DGKB: variants seen among roughly 807,000 people sequenced by gnomAD.
DGKB encodes the protein 90 kDa diacylglycerol kinase.
Under a neutral mutation model 114.3 loss-of-function variants are expected in DGKB, and 67 were observed. The observed-to-expected ratio is 0.59, with a 90% confidence interval of 0.48 to 0.72. The LOEUF (loss-of-function observed/expected upper bound fraction) is 0.72, where lower values mean the gene tolerates loss of function less well. Ranked by LOEUF, DGKB falls within the 30% of genes least tolerant of loss-of-function variation. The probability of loss-of-function intolerance (pLI) is 0.00; values close to 1 mark genes in which losing one functional copy is unlikely to be tolerated. For synonymous variants in DGKB, 398 were observed against 323.1 expected, an observed-to-expected ratio of 1.23 and a Z score of -2.49; for missense variants, 907 against 975.2, an observed-to-expected ratio of 0.93 and a Z score of 0.93.
At chr7:14,679,117 T>A (rs576966135) in intron 12 of DGKB, among the ~76,000 whole-genome samples, 1 of 152,086 alleles carries the variant, frequency 6.6e-6, no homozygotes, top group African/African-American at 2.4e-5. Context: ...TGACTCAGAC[T>A]GGACAACTAT....
chr7:14,619,033 C>A (rs1022906880), intron 15 of DGKB, among the ~76,000 whole-genome samples: 7 of 151,266 alleles, frequency 4.6e-5, no homozygotes, highest in Non-Finnish European at 1.0e-4. Context: ...CTATCCAGAA[C>A]TTTATTCTTT....
chr7:14,496,389 G>A (rs1024465121), intron 20 of DGKB, among the ~76,000 whole-genome samples: 1 of 151,684 alleles, frequency 6.6e-6, no homozygotes, highest in Non-Finnish European at 1.5e-5. Flanking sequence ...GTTACAAATG[G>A]CTATGCTTTA....
At chr7:14,289,618 T>C (rs867123991) in intron 23 of DGKB, among the ~76,000 whole-genome samples, 16 of 152,184 alleles carry the variant, frequency 1.1e-4, no homozygotes, top group Middle Eastern at 3.4e-3. Flanking sequence ...CATAGCACTA[T>C]GCCATAATAA....
Position 14,941,635 on chromosome 7 carries a change from T to C in DGKB, c.-188+33061A>G, listed in dbSNP as rs1429691647. ...ACAATTAATGAGGGTGATTTAAATATTGGTGAATGGTACTAAATGTAAAAA... is the reference window on the plus strand; with the variant it reads ...ACAATTAATGAGGGTGATTTAAATACTGGTGAATGGTACTAAATGTAAAAA... On this transcript the variant is annotated intron_variant, in intron 1 of 4. Transcript: ENST00000437998. 4.6e-5 allele frequency among the ~76,000 whole-genome samples: 7 copies of C among 152,200 alleles called. No individual in the cohort carries two copies. In the East Asian group the frequency reaches 1.4e-3, roughly 29 times the overall value.
chr7:14,599,192 G>T (rs1183018411), intron 17 of DGKB, among the ~76,000 whole-genome samples: 1 of 152,122 alleles, frequency 6.6e-6, no homozygotes, highest in Non-Finnish European at 1.5e-5. Flanking sequence ...TCATTGCAAT[G>T]CACTTATTAA....
chr7:14,750,214 G>T (rs1261734157), intron 4 of DGKB: 1 of 507,246 alleles, frequency 2.0e-6, no homozygotes, highest in East Asian at 5.5e-5. Flanking sequence ...TATAGTTAAA[G>T]CATAATTTTC....
rs142573560 is a variant in DGKB, at chr7:14,963,439, G to A, written c.-188+11257C>T. On this transcript the variant is annotated intron_variant, in intron 1 of 4. Coordinates refer to the DGKB transcript ENST00000437998. ...GTATTTGATTGAAGTAATCAAATTT[G>A]CCAAAATAAAAGTTCAGTGGAACAG... Among the ~76,000 whole-genome samples, 37 of 152,222 alleles carry A rather than the reference G, an allele frequency of 2.4e-4. 4 individuals are homozygous for A. In the East Asian group the frequency reaches 7.2e-3, roughly 30 times the overall value.
chr7:14,840,973 T>G (rs2128138006), intron 2 of DGKB, among the ~76,000 whole-genome samples: 1 of 152,240 alleles, frequency 6.6e-6, no homozygotes, highest in African/African-American at 2.4e-5. Flanking sequence ...CACCTAACAT[T>G]TTAGTTCCTT....
At position 14,289,762 on chromosome 7, in the gene DGKB, A is replaced by G. The variant is rs957393907; in HGVS notation, c.2122+48753T>C. Among the ~76,000 whole-genome samples the G allele has an allele frequency of 7.4e-5, 10 of 135,950 alleles. No homozygotes were observed. In the East Asian group the frequency reaches 2.2e-3, roughly 30 times the overall value. 89.2% of individuals were successfully genotyped at this position (135,950 alleles called of 152,430 possible). On this transcript the variant is annotated intron_variant, in intron 23 of 25. Transcript: ENST00000402815. ...CATGGACCAAAAAAAAAAAAAAAAA[A>G]ACACAAAACCCTAATGAAAGCAATT...
chr7:14,202,461 G>T (rs953499890), intron 23 of DGKB, among the ~76,000 whole-genome samples: 2 of 151,932 alleles, frequency 1.3e-5, no homozygotes, highest in African/African-American at 4.8e-5. Flanking sequence ...CCACACTGTT[G>T]AAAACTCCTT....
At chr7:14,358,425 G>C (rs917061717) in intron 21 of DGKB, among the ~76,000 whole-genome samples, 3 of 152,154 alleles carry the variant, frequency 2.0e-5, no homozygotes, top group African/African-American at 7.2e-5. Flanking sequence ...TCGTGCCATG[G>C]TTTTCAGCTC....
intron 22 of DGKB, among the ~76,000 whole-genome samples, chr7:14,340,036 A>G (rs1310370960): frequency 6.6e-6 from 1 of 151,928 alleles, no homozygotes; most frequent in Non-Finnish European, 1.5e-5. Flanking sequence ...TGAAAAATAA[A>G]AACTGTGAAA....
At chr7:14,615,638 T>G (rs745508929) in intron 15 of DGKB, among the ~76,000 whole-genome samples, 1 of 151,802 alleles carries the variant, frequency 6.6e-6, no homozygotes, top group Non-Finnish European at 1.5e-5. Flanking sequence ...ATTCCACAAG[T>G]GGCAAAAGTT....
chr7:14,870,518 C>G (rs1852293957), intron 1 of DGKB, among the ~76,000 whole-genome samples: 1 of 152,108 alleles, frequency 6.6e-6, no homozygotes, highest in African/African-American at 2.4e-5. Context: ...AAATAATTGG[C>G]CAGGTGTGAT....
intron 1 of DGKB, among the ~76,000 whole-genome samples, chr7:14,880,938 T>G (rs1220435067): frequency 6.6e-6 from 1 of 152,166 alleles, no homozygotes; most frequent in African/African-American, 2.4e-5. Context: ...TCAATAAAAA[T>G]TCCTTGTCAT....
intron 4 of DGKB, among the ~76,000 whole-genome samples, chr7:14,745,607 A>T (rs1833167367): frequency 6.6e-6 from 1 of 152,192 alleles, no homozygotes; most frequent in Non-Finnish European, 1.5e-5. Flanking sequence ...CTAAGGGCCC[A>T]CATGTGCACT....
In DGKB at chr7:14,447,530, T is replaced by C. The variant is rs141653142; in HGVS notation, c.1835+30631A>G. The stretch of plus-strand genomic sequence containing the variant: ...TGTGTTGATATACACTGATAATTTG[T>C]GAAGATATTTATTTTTAAGTTAGAT... On this transcript the variant is annotated intron_variant, in intron 21 of 25. Coordinates refer to ENST00000402815, the MANE Select transcript of DGKB (RefSeq NM_001350709.2). Among the ~76,000 whole-genome samples, 456 of 152,274 alleles carry C rather than the reference T, an allele frequency of 3.0e-3. 1 individual carries two copies. Among genetic ancestry groups the C allele is most frequent in the Middle Eastern group, 0.02 (6 of 294 alleles).
chr7:14,368,917 C>T (rs1272264487), intron 21 of DGKB, among the ~76,000 whole-genome samples: 2 of 151,932 alleles, frequency 1.3e-5, no homozygotes, highest in African/African-American at 2.4e-5. Flanking sequence ...GACAGTGGTG[C>T]TGTGTTTTGT....
At chr7:14,923,115 C>G (rs888858450) in intron 1 of DGKB, among the ~76,000 whole-genome samples, 1 of 152,166 alleles carries the variant, frequency 6.6e-6, no homozygotes, top group Admixed American at 6.5e-5. Flanking sequence ...TTATTCCACT[C>G]TCCTATGGGT....
Sources: gnomAD v4.1 joint callset for allele counts (sites outside exome capture counted in the v4.1 genomes callset) on GRCh38, gnomAD v4.1.1 for gene constraint, MANE v1.5 for transcripts, NCBI Gene and HGNC (gene_info 2026-07-23, HGNC 2026-07-21) for gene names.